ECM2: variants seen among roughly 807,000 people sequenced by gnomAD.
ECM2 encodes extracellular matrix protein 2, female organ and adipocyte specific.
Under a neutral mutation model 67.5 loss-of-function variants are expected in ECM2, and 57 were observed. That is an observed-to-expected ratio of 0.84 (90% confidence interval 0.68 to 1.05). ECM2 has a LOEUF of 1.05. Among genes scored for constraint, ECM2 ranks in the 50% least tolerant of loss-of-function variants. The pLI, the probability that ECM2 is intolerant of heterozygous loss-of-function variation, is 0.00. For synonymous variants in ECM2, 258 were observed against 294.5 expected (o/e 0.88, Z 1.27); for missense variants, 741 against 822.8 (o/e 0.90, Z 1.22).
chr9:92,510,105 C>T (rs140558627), intron 5 of ECM2, 71 bp from the exon 6 acceptor site: 31 of 1,503,864 alleles, frequency 2.1e-5, no homozygotes, highest in South Asian at 1.5e-4. Flanking sequence ...ATATAATGGT[C>T]GTGACTAAAA....
At chr9:92,552,019 GATAGATCTATCATATATGTGATATT>G in the ECM2 span, among the ~76,000 whole-genome samples, 1,855 of 137,092 alleles carry the variant, frequency 0.014, 216 homozygotes, top group African/African-American at 0.05. Flanking sequence ...TATATGATAT[GATAGATCTATCATATATGTGATATT>G]ATAGGTCTAT....
At chr9:92,509,837 C>T (rs988112308) in intron 6 of ECM2, 62 bp downstream of exon 6, 3 of 1,488,340 alleles carry the variant, frequency 2.0e-6, no homozygotes, top group Non-Finnish European at 2.7e-6. Context: ...AATAAAATTT[C>T]TACAGGACTA....
the ECM2 span, among the ~76,000 whole-genome samples, chr9:92,551,479 G>A: frequency 3.3e-5 from 5 of 151,930 alleles, no homozygotes; most frequent in Admixed American, 1.3e-4. Flanking sequence ...CTGGGACTAC[G>A]GGCACATACC....
At chr9:92,554,091 GA>G in the ECM2 span, among the ~76,000 whole-genome samples, 157 of 152,232 alleles carry the variant, frequency 1.0e-3, no homozygotes, top group African/African-American at 3.7e-3. Flanking sequence ...CTTGTGTGCC[GA>G]TTTTGTTGAG....
intron 1 of ECM2, among the ~76,000 whole-genome samples, chr9:92,532,169 C>G (rs960331635): frequency 1.3e-5 from 2 of 151,246 alleles, no homozygotes; most frequent in Non-Finnish European, 2.9e-5. Flanking sequence ...CTCGAAGATA[C>G]AATTTCTATG....
chr9:92,532,633 T>C (rs569946829), intron 1 of ECM2, among the ~76,000 whole-genome samples: 8 of 152,358 alleles, frequency 5.3e-5, no homozygotes, highest in African/African-American at 1.7e-4. Flanking sequence ...AATCTATCCA[T>C]TGACTTCCTT....
rs1847563158 is a variant in ECM2 at position 92,514,549 on chromosome 9, A to G, written c.1054+82T>C. 4 of 1,501,412 alleles carry G rather than the reference A, an allele frequency of 2.7e-6. No individual in the cohort carries two copies. The East Asian group carries it at 9.2e-5, about 34-fold the overall frequency. 93.0% of individuals were successfully genotyped at this position (1,501,412 alleles called of 1,614,324 possible). The stretch of plus-strand genomic sequence containing the variant: ...CTCAGCCTTTCAAAGTGCTGAGATT[A>G]TAGGCGTGAGCCACCGTGCCCAGCT... On this transcript the variant is annotated intron_variant, in intron 4 of 9. Coordinates refer to ENST00000344604, the MANE Select transcript of ECM2 (RefSeq NM_001393.4).
chr9:92,555,530 G>T, the ECM2 span, among the ~76,000 whole-genome samples: 2 of 152,046 alleles, frequency 1.3e-5, no homozygotes, highest in Non-Finnish European at 2.9e-5. Flanking sequence ...CGCCTGGCCA[G>T]TAATTTTTTA....
intron 3 of ECM2, chr9:92,517,404 TTC>T (rs1847796218): frequency 1.8e-6 from 1 of 569,784 alleles, no homozygotes; most frequent in East Asian, 2.9e-5. Flanking sequence ...GTTGTAGAAA[TTC>T]TGTTACCATA....
At chr9:92,557,474 C>T in the ECM2 span, among the ~76,000 whole-genome samples, 2 of 152,090 alleles carry the variant, frequency 1.3e-5, no homozygotes, top group Non-Finnish European at 1.5e-5. Context: ...TAGGTTTGGT[C>T]GTTTAACATA....
intron 7 of ECM2, among the ~76,000 whole-genome samples, chr9:92,504,957 G>A (rs1007679187): frequency 6.6e-6 from 1 of 152,188 alleles, no homozygotes; most frequent in Non-Finnish European, 1.5e-5. Context: ...CATCTCTAGA[G>A]GATAATGAAG....
intron 6 of ECM2, among the ~76,000 whole-genome samples, chr9:92,508,062 C>T (rs1847110868): frequency 6.6e-6 from 1 of 152,168 alleles, no homozygotes; most frequent in Non-Finnish European, 1.5e-5. Flanking sequence ...GAGTGAGGAG[C>T]CACCCCAAGA....
chr9:92,500,579 A>T, intron 9 of ECM2, 148 bp downstream of exon 9: 1 of 712,798 alleles, frequency 1.4e-6, no homozygotes, highest in Non-Finnish European at 2.3e-6. Context: ...TTTGGTAATT[A>T]CTAACATTTG....
chr9:92,500,353 T>C (rs1030709815), intron 9 of ECM2, among the ~76,000 whole-genome samples: 1 of 152,170 alleles, frequency 6.6e-6, no homozygotes, highest in African/African-American at 2.4e-5. Flanking sequence ...CTGCTAAGTT[T>C]TGTATTTTTA....
the ECM2 span, among the ~76,000 whole-genome samples, chr9:92,553,318 A>C: frequency 1.3e-5 from 2 of 152,056 alleles, no homozygotes; most frequent in Non-Finnish European, 2.9e-5. Context: ...CTGTGGCCTT[A>C]TAGTTTGAAA....
chr9:92,521,810 A>G (rs1315869142), intron 2 of ECM2, among the ~76,000 whole-genome samples: 2 of 152,204 alleles, frequency 1.3e-5, no homozygotes, highest in African/African-American at 4.8e-5. Flanking sequence ...TGTAATAGCC[A>G]TATGTTCACA....
the ECM2 span, among the ~76,000 whole-genome samples, chr9:92,547,108 G>A: frequency 2.0e-5 from 3 of 152,010 alleles, no homozygotes; most frequent in African/African-American, 4.8e-5. Flanking sequence ...AAGAACTAGC[G>A]GCGTAAGTGT....
the ECM2 span, among the ~76,000 whole-genome samples, chr9:92,557,521 T>C: frequency 6.6e-6 from 1 of 152,338 alleles, no homozygotes; most frequent in East Asian, 1.9e-4. Flanking sequence ...CTTATTTTCT[T>C]ATTCTTTTTT....
chr9:92,538,081 C>T (rs933594636), upstream of ECM2, among the ~76,000 whole-genome samples: 2 of 152,142 alleles, frequency 1.3e-5, no homozygotes, highest in African/African-American at 2.4e-5. Context: ...ACCATTTCAC[C>T]TCTAGGAACC....
Sources: allele counts gnomAD v4.1 joint callset (sites outside exome capture counted in the v4.1 genomes callset), GRCh38; gene constraint gnomAD v4.1.1; transcripts MANE v1.5; gene names NCBI Gene and HGNC (gene_info 2026-07-23, HGNC 2026-07-21).